The following PLG variants were observed in gnomAD, a reference collection of about 807,000 sequenced individuals.
PLG encodes the protein plasminogen, also known as plasmin.
PLG carries 41 observed loss-of-function variants against 104.4 expected under a neutral mutation model. The ratio of observed to expected loss-of-function variants is 0.39; its 90% CI spans 0.31 to 0.51. PLG has a LOEUF of 0.51. Among genes scored for constraint, PLG ranks in the 20% least tolerant of loss-of-function variants. PLG has a pLI of 0.76. For missense variants in PLG, 891 were observed against 1,003.6 expected (o/e 0.89, Z 1.52); for synonymous variants, 337 against 357.1 (o/e 0.94, Z 0.63).
intron 17 of PLG, among the ~76,000 whole-genome samples, chr6:160,746,786 C>T (rs1269385627): frequency 1.3e-5 from 2 of 152,098 alleles, no homozygotes; most frequent in Non-Finnish European, 2.9e-5. Context: ...TTTACAGGGC[C>T]AAAGCCTTGT....
intron 6 of PLG, 111 bp from the exon 7 acceptor site, chr6:160,716,534 A>G (rs1023679358): frequency 1.8e-4 from 140 of 764,814 alleles, no homozygotes; most frequent in Non-Finnish European, 2.9e-4. Context: ...TACCTCCTCC[A>G]TGCCCGACTG....
intron 1 of PLG, 37 bp downstream of exon 1, chr6:160,702,390 T>C (rs1582927507): frequency 1.4e-6 from 2 of 1,478,450 alleles, no homozygotes. Context: ...AGAATTATTT[T>C]TTCTCCCACA....
intron 17 of PLG, among the ~76,000 whole-genome samples, chr6:160,750,982 TCA>T (rs200798275): frequency 0.045 from 6,862 of 152,218 alleles, 364 homozygotes; most frequent in African/African-American, 0.12. Flanking sequence ...ACTAGAATGT[TCA>T]CTCTCCCTAA....
In PLG at chr6:160,719,336, T is replaced by C. The variant is rs942953124; in HGVS notation, c.1096+498T>C. Among the ~76,000 whole-genome samples the C allele has an allele frequency of 1.3e-5, 2 of 152,248 alleles. No individual in the cohort carries two copies. Among genetic ancestry groups the C allele is most frequent in the Non-Finnish European group, 2.9e-5 (2 of 68,048 alleles). On this transcript the variant is annotated intron_variant, in intron 9 of 18. Transcript: ENST00000308192. The surrounding 1 kb of genome is among the most constrained non-coding windows in gnomAD (Gnocchi z 4.1). ...CCCCTTTATCTTTATGTAATGTTTC[T>C]TCTTATCTCTGGGAATATTTCTTCT...
At chr6:160,730,431 C>G (rs1777982035) in intron 10 of PLG, among the ~76,000 whole-genome samples, 1 of 152,216 alleles carries the variant, frequency 6.6e-6, no homozygotes, top group Non-Finnish European at 1.5e-5. Flanking sequence ...ATACGTCTTG[C>G]AGAAACAAAC....
rs957392627 is a variant in PLG, at chr6:160,723,247, T to C, written c.1256+680T>C. ...ACCAGTGGCCTGAAAGGATATGGGT[T>C]GCTGGGACATGAAGAACAAAAGCAG... On this transcript the variant is annotated intron_variant, in intron 10 of 18. Transcript: ENST00000308192. The surrounding 1 kb of genome is among the most constrained non-coding windows in gnomAD (Gnocchi z 4.7). Among the ~76,000 whole-genome samples the C allele has an allele frequency of 6.6e-6, 1 of 151,412 alleles. No homozygotes were observed. The highest frequency in any genetic ancestry group is 1.5e-5 in the Non-Finnish European group (1 of 68,006).
intron 17 of PLG, among the ~76,000 whole-genome samples, chr6:160,750,479 C>T (rs1778384917): frequency 6.6e-6 from 1 of 152,216 alleles, no homozygotes. Context: ...AGCAGTGACA[C>T]CTAACTTAAT....
chr6:160,716,579 T>C (rs1777735463), intron 6 of PLG, 66 bp from the exon 7 acceptor site: 2 of 989,900 alleles, frequency 2.0e-6, no homozygotes, highest in Middle Eastern at 2.1e-4. Flanking sequence ...ATGTTTGCTC[T>C]TGAAAAAGAG....
rs531809516 is a variant in PLG at position 160,705,138 on chromosome 6, C to T, written c.50-1269C>T. Among the ~76,000 whole-genome samples, 53 of 152,292 alleles carry T rather than the reference C, an allele frequency of 3.5e-4. No individual in the cohort carries two copies. In the South Asian group the frequency reaches 0.011, roughly 30 times the overall value. ...TGTCCTGTTGTCTAATTCCATGGAG[C>T]TTGCCTGTCTTCATTTTATTAGCCT... On this transcript the variant is annotated intron_variant, in intron 1 of 18. Coordinates refer to ENST00000308192, the MANE Select transcript of PLG (RefSeq NM_000301.5).
rs199771790 is a variant in PLG, at chr6:160,718,766, G to A, written c.1024G>A (p.Val342Met). ...APWCHTTNSQ[V>M]RWEYCKIPSC... ...ATGGTGCCATACAACCAACAGCCAA[G>A]TGCGGTGGGAGTACTGTAAGATACC... Residue 342 changes from valine (V) to methionine (M), a missense_variant, in exon 9 of 19, where the codon GTG becomes ATG. Val to Met is a conservative substitution (Grantham distance 21, BLOSUM62 1). This residue lies in a region of PLG where 854 missense variants were observed against 932.1 expected (regional missense o/e 0.92). Coordinates refer to ENST00000308192, the MANE Select transcript of PLG (RefSeq NM_000301.5). 1.4e-4 allele frequency: 219 copies of A among 1,613,758 alleles called. No individual in the cohort carries two copies. In the East Asian group the frequency reaches 3.2e-3, roughly 24 times the overall value.
chr6:160,749,648 C>T (rs1017058937), intron 17 of PLG, among the ~76,000 whole-genome samples: 5 of 149,830 alleles, frequency 3.3e-5, no homozygotes, highest in Non-Finnish European at 7.4e-5. Context: ...CCACCACTAC[C>T]ACCACCATCA....
chr6:160,747,453 A>T (rs1215445296), intron 17 of PLG, among the ~76,000 whole-genome samples: 1 of 152,180 alleles, frequency 6.6e-6, no homozygotes, highest in African/African-American at 2.4e-5. Flanking sequence ...GGGCATTAGG[A>T]GTCTGAAGCC....
In PLG at chr6:160,707,986, A is replaced by G. The variant is rs986803951; in HGVS notation, c.292+180A>G. ...CTAACCATGTCAGCTTGAGTGTATT[A>G]CTTCACCTCTTAGATTTAATTTTTT... is the stretch of plus-strand genomic sequence containing the variant. On this transcript the variant is annotated intron_variant, in intron 3 of 18. Transcript: ENST00000308192. The G allele has an allele frequency of 5.0e-6, 3 of 595,654 alleles. No individual in the cohort carries two copies. The African/African-American group carries it at 5.6e-5, about 11-fold the overall frequency. The allele number at this position is 595,654 out of a possible 1,614,324, so 36.9% of individuals were successfully genotyped here.
Position 160,736,747 on chromosome 6 carries a change from A to G in PLG, c.1682-140A>G. Reference sequence around the variant, plus strand: ...CTACCACTTTTGAAACTTAGAGAAAATGTTCCAAAAGATGATGATTTTACT... The same window carrying G: ...CTACCACTTTTGAAACTTAGAGAAAGTGTTCCAAAAGATGATGATTTTACT... On this transcript the variant is annotated intron_variant, in intron 13 of 18. Coordinates refer to ENST00000308192, the MANE Select transcript of PLG (RefSeq NM_000301.5). The surrounding 1 kb of genome is among the most constrained non-coding windows in gnomAD (Gnocchi z 5.2). The G allele has an allele frequency of 9.2e-7, 1 of 1,092,196 alleles. No individual in the cohort carries two copies. The highest frequency in any genetic ancestry group is 1.4e-5 in the South Asian group (1 of 73,636). 67.7% of individuals were successfully genotyped at this position (1,092,196 alleles called of 1,614,324 possible).
At chr6:160,717,611 T>G (rs1777758809) in intron 7 of PLG, among the ~76,000 whole-genome samples, 1 of 152,180 alleles carries the variant, frequency 6.6e-6, no homozygotes, top group Non-Finnish European at 1.5e-5. Flanking sequence ...TTGGGTGCCA[T>G]TCAGTCATGT....
rs561954369 is a variant in PLG at position 160,711,832 on chromosome 6, G to C, written c.407+641G>C. ...TCTCATCACATGTTCGACTCAAATT[G>C]TGGAGCAAAAGAGTAAATAAGATAT... is the stretch of plus-strand genomic sequence containing the variant. On this transcript the variant is annotated intron_variant, in intron 4 of 18. Transcript: ENST00000308192. 1,365 of 1,466,494 alleles carry C rather than the reference G, an allele frequency of 9.3e-4. 12 individuals carry two copies. Among genetic ancestry groups the C allele is most frequent in the Non-Finnish European group, 2.0e-4 (225 of 1,108,176 alleles). The allele number at this position is 1,466,494 out of a possible 1,614,324, so 90.8% of individuals were successfully genotyped here.
chr6:160,704,615 G>A (rs1239882487), intron 1 of PLG, among the ~76,000 whole-genome samples: 1 of 152,158 alleles, frequency 6.6e-6, no homozygotes, highest in African/African-American at 2.4e-5. Context: ...TGGGCCTAAA[G>A]CATCTATTTC....
chr6:160,745,180 T>A (rs544621349), intron 17 of PLG, among the ~76,000 whole-genome samples: 2 of 152,148 alleles, frequency 1.3e-5, no homozygotes, highest in African/African-American at 4.8e-5. Flanking sequence ...TTTGGTCCAA[T>A]GCTGAGTTCA....
rs370265389 is a variant in PLG, at chr6:160,732,318, C to T, written c.1587+425C>T. On this transcript the variant is annotated intron_variant, in intron 12 of 18. Coordinates refer to ENST00000308192, the MANE Select transcript of PLG (RefSeq NM_000301.5). The surrounding 1 kb of genome is among the most constrained non-coding windows in gnomAD (Gnocchi z 4.5). ...TTCCCTTAGCCTCATGCATTCTCTG[C>T]GATGGTTTACTTTGGGGCCTATGAA... Among the ~76,000 whole-genome samples the T allele has an allele frequency of 1.8e-4, 28 of 152,256 alleles. No homozygotes were observed. Among genetic ancestry groups the T allele is most frequent in the East Asian group, 1.4e-3 (7 of 5,184 alleles).
Sources: allele counts gnomAD v4.1 joint callset (sites outside exome capture counted in the v4.1 genomes callset), GRCh38; gene constraint gnomAD v4.1.1; regional missense constraint gnomAD v4.1.1; non-coding constraint Gnocchi (gnomAD v3.1); transcripts MANE v1.5; gene names NCBI Gene and HGNC (gene_info 2026-07-23, HGNC 2026-07-21).